The following TNFAIP6 variants were observed in gnomAD, a reference collection of about 807,000 sequenced individuals.
TNFAIP6 encodes the protein TNF alpha induced protein 6.
Under a neutral mutation model 33.7 loss-of-function variants are expected in TNFAIP6, and 36 were observed. The observed-to-expected ratio is 1.07, with a 90% CI of 0.82 to 1.41. TNFAIP6 has a LOEUF of 1.41. Among genes scored for constraint, TNFAIP6 ranks in the 40% most tolerant of loss-of-function variants. The probability of loss-of-function intolerance (pLI) is 0.00; values close to 1 mark genes in which losing one functional copy is unlikely to be tolerated. For synonymous variants in TNFAIP6, 113 were observed against 112.8 expected, an observed-to-expected ratio of 1.00 and a Z score of -0.01; for missense variants, 273 against 331.9, an observed-to-expected ratio of 0.82 and a Z score of 1.38.
intron 1 of TNFAIP6, among the ~76,000 whole-genome samples, chr2:151,359,073 G>A (rs1413864529): frequency 6.6e-6 from 1 of 152,140 alleles, no homozygotes; most frequent in Non-Finnish European, 1.5e-5. Flanking sequence ...CTGGACAATA[G>A]AAGTTTTGCC....
rs542593131 is a variant in TNFAIP6 at position 151,364,179 on chromosome 2, C to G, written c.232+99C>G. On this transcript the variant is annotated intron_variant, in intron 2 of 5. Coordinates refer to ENST00000243347, the MANE Select transcript of TNFAIP6 (RefSeq NM_007115.4). The stretch of plus-strand genomic sequence containing the variant: ...TAAGACTTCTTTCTCCAACCCCCTT[C>G]TGATATATCACTAAGCCCCTAGGAC... The G allele has an allele frequency of 3.6e-6, 5 of 1,396,168 alleles. No individual in the cohort carries two copies. The South Asian group carries it at 5.5e-5, about 15-fold the overall frequency. The allele number at this position is 1,396,168 out of a possible 1,614,324, so 86.5% of individuals were successfully genotyped here. A position where few individuals can be genotyped will look rare whatever the true frequency, so the allele number is the denominator to read the frequency against.
chr2:151,376,289 G>A (rs780684134), intron 5 of TNFAIP6, among the ~76,000 whole-genome samples: 6 of 151,746 alleles, frequency 4.0e-5, no homozygotes, highest in Non-Finnish European at 8.8e-5. Flanking sequence ...ATCCTGATGC[G>A]TACCTGTAGT....
chr2:151,367,422 T>G (rs774692058), intron 3 of TNFAIP6, among the ~76,000 whole-genome samples: 4 of 152,192 alleles, frequency 2.6e-5, no homozygotes, highest in Non-Finnish European at 5.9e-5. Context: ...CTCTTACATT[T>G]TCTTAAATAT....
chr2:151,362,637 C>T (rs940665099), intron 1 of TNFAIP6, among the ~76,000 whole-genome samples: 1 of 151,658 alleles, frequency 6.6e-6, no homozygotes, highest in Non-Finnish European at 1.5e-5. Context: ...ACTACAGGTG[C>T]CTGCCACCAC....
intron 4 of TNFAIP6, among the ~76,000 whole-genome samples, chr2:151,370,727 G>T (rs1284254015): frequency 6.6e-6 from 1 of 152,206 alleles, no homozygotes. Context: ...AGATATGTGA[G>T]TTGCAAAAAT....
intron 5 of TNFAIP6, among the ~76,000 whole-genome samples, chr2:151,375,373 G>A (rs1167796373): frequency 1.3e-5 from 2 of 151,990 alleles, no homozygotes; most frequent in Non-Finnish European, 2.9e-5. Flanking sequence ...TTGATACAAA[G>A]TAATAGAAAA....
At chr2:151,364,401 C>G (rs1220392748) in intron 2 of TNFAIP6, among the ~76,000 whole-genome samples, 3 of 152,096 alleles carry the variant, frequency 2.0e-5, no homozygotes, top group Admixed American at 2.0e-4. Flanking sequence ...TAGTATTGTT[C>G]TATCTCTTTG....
intron 1 of TNFAIP6, among the ~76,000 whole-genome samples, chr2:151,362,604 C>T (rs1213975146): frequency 6.7e-6 from 1 of 149,254 alleles, no homozygotes; most frequent in Non-Finnish European, 1.5e-5. Context: ...CATTCTCCTG[C>T]CTCAGCCTCC....
At chr2:151,375,973 C>T (rs1387008271) in intron 5 of TNFAIP6, among the ~76,000 whole-genome samples, 1 of 152,254 alleles carries the variant, frequency 6.6e-6, no homozygotes, top group South Asian at 2.1e-4. Flanking sequence ...CAGCCGGGCA[C>T]AGTGGCTCAT....
intron 2 of TNFAIP6, among the ~76,000 whole-genome samples, chr2:151,365,236 T>C (rs1375366074): frequency 6.6e-6 from 1 of 152,026 alleles, no homozygotes; most frequent in East Asian, 1.9e-4. Flanking sequence ...ACAGCTACTC[T>C]AAAGACTGAG....
chr2:151,380,866 G>A (rs773026948), downstream of TNFAIP6, among the ~76,000 whole-genome samples: 1 of 152,138 alleles, frequency 6.6e-6, no homozygotes, highest in Non-Finnish European at 1.5e-5. Context: ...TGGTGCAGAA[G>A]CTAAGTCCAA....
In TNFAIP6 at chr2:151,364,009, C is replaced by T. The variant is rs1321610042; in HGVS notation, c.161C>T (p.Ala54Val). Reference sequence around the variant, plus strand: ...AAATACAAGCTCACCTACGCAGAAGCTAAGGCGGTGTGTGAATTTGAAGGC... The same window carrying T: ...AAATACAAGCTCACCTACGCAGAAGTTAAGGCGGTGTGTGAATTTGAAGGC... Reference protein sequence around the residue: ...SGKYKLTYAEAKAVCEFEGGH... With the variant: ...SGKYKLTYAEVKAVCEFEGGH... Residue 54 changes from alanine to valine, a missense_variant, in exon 2 of 6, where the codon GCT becomes GTT. Coordinates refer to ENST00000243347, the MANE Select transcript of TNFAIP6 (RefSeq NM_007115.4). 1 of 1,614,162 alleles carries T rather than the reference C, an allele frequency of 6.2e-7. No homozygotes were observed. The highest frequency in any genetic ancestry group is 8.5e-7 in the Non-Finnish European group (1 of 1,180,018).
At chr2:151,376,061 A>G (rs750419859) in intron 5 of TNFAIP6, among the ~76,000 whole-genome samples, 1 of 152,132 alleles carries the variant, frequency 6.6e-6, no homozygotes, top group Non-Finnish European at 1.5e-5. Context: ...CCTGGCCAAT[A>G]TGGTGAAACC....
At position 151,360,974 on chromosome 2, in the gene TNFAIP6, C is replaced by T. The variant is rs181848701; in HGVS notation, c.95-2969C>T. Among the ~76,000 whole-genome samples the T allele has an allele frequency of 1.3e-3, 201 of 151,802 alleles. 1 individual carries two copies. The highest frequency in any genetic ancestry group is 4.6e-3 in the African/African-American group (191 of 41,390). ...TGTAACAAACCTGCACATGTACCCC[C>T]GAATTTAAAATAAAAGATTTTTAAA... On this transcript the variant is annotated intron_variant, in intron 1 of 5. Transcript: ENST00000243347.
chr2:151,373,053 C>T (rs1684842854), intron 4 of TNFAIP6, among the ~76,000 whole-genome samples: 1 of 152,056 alleles, frequency 6.6e-6, no homozygotes, highest in Non-Finnish European at 1.5e-5. Context: ...TGCGGTGGCT[C>T]ACACCTGTAA....
downstream of TNFAIP6, among the ~76,000 whole-genome samples, chr2:151,380,660 A>T (rs116126123): frequency 5.6e-3 from 850 of 152,318 alleles, 2 homozygotes; most frequent in African/African-American, 0.019. Flanking sequence ...TGGTTGTTTC[A>T]AAGTTACTTT....
chr2:151,363,872 G>A (rs1573779481), intron 1 of TNFAIP6, 71 bp from the exon 2 acceptor site: 4 of 1,563,468 alleles, frequency 2.6e-6, no homozygotes, highest in Non-Finnish European at 3.5e-6. Context: ...TCTTCCAGCT[G>A]AGGCCACAGA....
At chr2:151,362,185 G>A (rs1374307116) in intron 1 of TNFAIP6, among the ~76,000 whole-genome samples, 2 of 151,952 alleles carry the variant, frequency 1.3e-5, no homozygotes, top group African/African-American at 2.4e-5. Flanking sequence ...TATTGTCCTG[G>A]GAATCTTTTC....
chr2:151,363,498 A>G (rs2152012996), intron 1 of TNFAIP6, among the ~76,000 whole-genome samples: 1 of 140,862 alleles, frequency 7.1e-6, no homozygotes, highest in East Asian at 2.1e-4. Context: ...GCTACTTTAA[A>G]AAAAAAAAAA....
Sources: gnomAD v4.1 joint callset for allele counts (sites outside exome capture counted in the v4.1 genomes callset) on GRCh38, gnomAD v4.1.1 for gene constraint, MANE v1.5 for transcripts, NCBI Gene and HGNC (gene_info 2026-07-23, HGNC 2026-07-21) for gene names.